Variants in PMS2 observed in about 807,000 individuals in gnomAD.
The protein encoded by PMS2 is mismatch repair endonuclease PMS2.
A neutral mutation model predicts 90.0 loss-of-function variants in PMS2; 69 were observed. The observed-to-expected ratio is 0.77, with a 90% CI of 0.63 to 0.94. The LOEUF is 0.94. Among genes scored for constraint, PMS2 ranks in the 40% least tolerant of loss-of-function variants. The pLI is 0.00. For synonymous variants in PMS2, 332 were observed against 375.1 expected (o/e 0.89, Z 1.33); for missense variants, 966 against 1,040.2 (o/e 0.93, Z 0.98).
intron 10 of PMS2, among the ~76,000 whole-genome samples, chr7:5,988,929 C>T (rs1460467388): frequency 1.3e-5 from 2 of 152,088 alleles, no homozygotes; most frequent in East Asian, 3.9e-4. Flanking sequence ...AATCTTGGCT[C>T]ACTGCAAGCC....
chr7:5,999,046 A>G, intron 6 of PMS2, 62 bp downstream of exon 6: 1 of 1,508,446 alleles, frequency 6.6e-7, no homozygotes, highest in Non-Finnish European at 9.2e-7. Flanking sequence ...TGGAAGGGAC[A>G]ATGGAAACCC....
chr7:5,978,122 GA>G (rs1365627104), intron 13 of PMS2, among the ~76,000 whole-genome samples: 483 of 139,440 alleles, frequency 3.5e-3, no homozygotes, highest in African/African-American at 0.012. Flanking sequence ...CTCCATCTCA[GA>G]AAAAAAAAAA....
chr7:6,004,168 T>G (rs1785446249), intron 2 of PMS2, 110 bp from the exon 3 acceptor site: 1 of 691,336 alleles, frequency 1.4e-6, no homozygotes, highest in Admixed American at 2.4e-5. Flanking sequence ...AACTATACCT[T>G]TAGTTAAACA....
intron 9 of PMS2, among the ~76,000 whole-genome samples, chr7:5,991,311 ATTT>A (rs1783702533): frequency 6.6e-6 from 1 of 151,806 alleles, no homozygotes; most frequent in Non-Finnish European, 1.5e-5. Flanking sequence ...GACAGAAGAT[ATTT>A]TTTAAGGTAT....
chr7:5,993,739 T>C (rs2128764999), intron 8 of PMS2, among the ~76,000 whole-genome samples: 1 of 151,248 alleles, frequency 6.6e-6, no homozygotes, highest in East Asian at 2.0e-4. Flanking sequence ...TGCGTGCCTG[T>C]AGTCCTAGCT....
rs1181539059 is a variant in PMS2 at position 5,973,053 on chromosome 7, G to T, written c.*346C>A. Among the ~76,000 whole-genome samples, 1 of 131,834 alleles carries T rather than the reference G, an allele frequency of 7.6e-6. No homozygotes were observed. Among genetic ancestry groups the T allele is most frequent in the African/African-American group, 2.9e-5 (1 of 34,784 alleles). The allele number at this position is 131,834 out of a possible 152,430, so 86.5% of individuals were successfully genotyped here. On this transcript the variant is annotated 3_prime_UTR_variant, in exon 15 of 15. Transcript: ENST00000265849. ...AGGCAGGGTTTCTCCATGTTGGTCA[G>T]GCTGGTCTCGAACTTCTGATCTCAG...
chr7:5,988,779 C>G (rs570795914), intron 10 of PMS2, among the ~76,000 whole-genome samples: 4 of 152,232 alleles, frequency 2.6e-5, no homozygotes, highest in African/African-American at 9.6e-5. Context: ...GAGAAAGAAA[C>G]AAATCACAGA....
intron 12 of PMS2, among the ~76,000 whole-genome samples, chr7:5,981,892 C>A (rs1782315410): frequency 6.6e-6 from 1 of 151,652 alleles, no homozygotes; most frequent in African/African-American, 2.4e-5. Flanking sequence ...TTCAACAGTG[C>A]CTGGCAGATT....
intron 8 of PMS2, among the ~76,000 whole-genome samples, chr7:5,993,637 T>C (rs1031054762): frequency 2.0e-5 from 3 of 147,858 alleles, no homozygotes; most frequent in Non-Finnish European, 4.5e-5. Flanking sequence ...CAGAGGCGGG[T>C]GGATCACGAG....
At position 6,005,973 on chromosome 7, in the gene PMS2, A is replaced by G. The variant is rs587781908; in HGVS notation, c.82T>C (p.Ser28Pro). ...IDRKSVHQIC[S>P]GQVVLSLSTA... ...CTTAGACTCAGTACCACCTGCCCAG[A>G]GCAAATCTGATGGACTGACTTCCGA... is the stretch of plus-strand genomic sequence containing the variant. Residue 28 changes from serine to proline, a missense_variant, in exon 2 of 15, where the codon TCT becomes CCT. Physicochemically the swap from Ser to Pro is moderately conservative, Grantham distance 74. Coordinates refer to ENST00000265849, the MANE Select transcript of PMS2 (RefSeq NM_000535.7). 5 of 1,610,800 alleles carry G rather than the reference A, an allele frequency of 3.1e-6. No homozygotes were observed. Among genetic ancestry groups the G allele is most frequent in the South Asian group, 1.1e-5 (1 of 90,988 alleles).
rs528038888 is a variant in PMS2, at chr7:5,981,348, G to A, written c.2174+1476C>T. ...CAGCCTCAATCTCCTGGGCTCAAACGATCCTCCCACCTCAGCCTCCCGAAT... is the reference window on the plus strand; with the variant it reads ...CAGCCTCAATCTCCTGGGCTCAAACAATCCTCCCACCTCAGCCTCCCGAAT... On this transcript the variant is annotated intron_variant, in intron 12 of 14. Transcript: ENST00000265849. Among the ~76,000 whole-genome samples, 47 of 149,862 alleles carry A rather than the reference G, an allele frequency of 3.1e-4. No individual in the cohort carries two copies. The South Asian group carries it at 7.1e-3, about 23-fold the overall frequency.
intron 6 of PMS2, among the ~76,000 whole-genome samples, chr7:5,997,636 G>T (rs960731935): frequency 3.9e-5 from 6 of 152,028 alleles, no homozygotes; most frequent in Admixed American, 1.3e-4. Context: ...TGTCAAACTC[G>T]TGGGTTCAAG....
At chr7:6,004,158 A>C (rs905325389) in intron 2 of PMS2, 100 bp from the exon 3 acceptor site, 1 of 725,398 alleles carries the variant, frequency 1.4e-6, no homozygotes, top group African/African-American at 1.8e-5. Flanking sequence ...TAAGAGTCAT[A>C]ACTATACCTT....
In PMS2 at chr7:6,008,979, A is replaced by C. The variant is rs1413988730; in HGVS notation, c.23+18T>G. The C allele has an allele frequency of 6.2e-7, 1 of 1,612,528 alleles. No homozygotes were observed. Among genetic ancestry groups the C allele is most frequent in the Non-Finnish European group, 8.5e-7 (1 of 1,179,734 alleles). ...GGCGCGCGAGAGGGGACACCGGAAG[A>C]CTGCGAGCCCCGCTCACCTCGAGCT... is the stretch of plus-strand genomic sequence containing the variant. On this transcript the variant is annotated intron_variant, in intron 1 of 14. Transcript: ENST00000265849.
intron 1 of PMS2, among the ~76,000 whole-genome samples, chr7:6,006,785 A>G (rs1430411622): frequency 1.3e-5 from 2 of 152,140 alleles, no homozygotes; most frequent in Non-Finnish European, 2.9e-5. Context: ...TGCCTTTGAT[A>G]CCCCACTCCA....
chr7:5,972,797 G>GGCCT lies in PMS2; in HGVS notation c.*598_*601dup, dbSNP rs1253171623. 7.5e-5 allele frequency among the ~76,000 whole-genome samples: 7 copies of GGCCT among 93,768 alleles called. 1 individual carries two copies. Among genetic ancestry groups the GGCCT allele is most frequent in the Non-Finnish European group, 1.5e-4 (7 of 47,646 alleles). 61.5% of individuals were successfully genotyped at this position (93,768 alleles called of 152,430 possible). On this transcript the variant is annotated 3_prime_UTR_variant, in exon 15 of 15. Transcript: ENST00000265849. ...CTAAACTATGTCCAGCCAGAGCAGA[G>GGCCT]GCCTGAGTAACTTCCAAAGTGGTTT...
At chr7:6,007,261 G>T (rs1424020307) in intron 1 of PMS2, among the ~76,000 whole-genome samples, 1 of 151,778 alleles carries the variant, frequency 6.6e-6, no homozygotes, top group African/African-American at 2.4e-5. Context: ...GATTACAGGC[G>T]CCCACCATCA....
chr7:6,008,728 C>T (rs12702466), intron 1 of PMS2, among the ~76,000 whole-genome samples: 34,406 of 149,742 alleles, frequency 0.23, 4,261 homozygotes, highest in African/African-American at 0.32. Context: ...GTGGGCAAGG[C>T]CTGTCTGGGA....
chr7:5,981,540 C>T (rs1166091724), intron 12 of PMS2, among the ~76,000 whole-genome samples: 2 of 149,688 alleles, frequency 1.3e-5, no homozygotes, highest in Non-Finnish European at 3.0e-5. Flanking sequence ...GCCCCTGCAT[C>T]CAACCTGCAG....
Sources: gnomAD v4.1 joint callset for allele counts (sites outside exome capture counted in the v4.1 genomes callset) on GRCh38, gnomAD v4.1.1 for gene constraint, MANE v1.5 for transcripts, NCBI Gene and HGNC (gene_info 2026-07-23, HGNC 2026-07-21) for gene names.